The following LNP1 variants were observed in gnomAD, a reference collection of about 807,000 sequenced individuals.
The protein encoded by LNP1 is leukemia NUP98 fusion partner 1.
A neutral mutation model predicts 14.5 loss-of-function variants in LNP1; 12 were observed. That is an observed-to-expected ratio of 0.83 (90% confidence interval 0.53 to 1.34). LNP1 has a LOEUF of 1.34. Ranked by LOEUF, LNP1 falls within the 40% of genes most tolerant of loss-of-function variation. LNP1 has a pLI of 0.00. For missense variants in LNP1, 198 were observed against 210.9 expected, an observed-to-expected ratio of 0.94 and a Z score of 0.38; for synonymous variants, 75 against 71.4, an observed-to-expected ratio of 1.05 and a Z score of -0.26.
chr3:100,438,468 T>C (rs1438360705), intron 2 of LNP1, among the ~76,000 whole-genome samples: 1 of 152,146 alleles, frequency 6.6e-6, no homozygotes, highest in Non-Finnish European at 1.5e-5. Flanking sequence ...TGCTGACACA[T>C]CATTATCACC....
intron 1 of LNP1, among the ~76,000 whole-genome samples, chr3:100,406,970 TTCC>T (rs1351706633): frequency 6.6e-6 from 1 of 152,242 alleles, no homozygotes; most frequent in Non-Finnish European, 1.5e-5. Context: ...TCCACTTCCT[TTCC>T]TCAATATTTT....
chr3:100,419,969 G>A (rs922626818), intron 1 of LNP1, among the ~76,000 whole-genome samples: 1 of 152,160 alleles, frequency 6.6e-6, no homozygotes, highest in Non-Finnish European at 1.5e-5. Context: ...CAAAGTGGCT[G>A]TACCTTTTTT....
intron 2 of LNP1, among the ~76,000 whole-genome samples, chr3:100,441,928 G>A (rs1170615216): frequency 6.6e-6 from 1 of 152,112 alleles, no homozygotes; most frequent in Non-Finnish European, 1.5e-5. Flanking sequence ...GCCTCTCAAA[G>A]TGCTGGGATT....
intron 1 of LNP1, among the ~76,000 whole-genome samples, chr3:100,410,010 A>G (rs994895622): frequency 1.3e-5 from 2 of 149,658 alleles, no homozygotes; most frequent in African/African-American, 4.9e-5. Context: ...TACCTATTTT[A>G]TCTGTCTATA....
chr3:100,430,804 A>G (rs1040446459), intron 2 of LNP1, among the ~76,000 whole-genome samples: 4 of 152,210 alleles, frequency 2.6e-5, no homozygotes, highest in African/African-American at 9.6e-5. Flanking sequence ...GGCAACCTCT[A>G]TTACTCCTGG....
At chr3:100,408,555 A>C (rs537850011) in intron 1 of LNP1, among the ~76,000 whole-genome samples, 1 of 152,280 alleles carries the variant, frequency 6.6e-6, no homozygotes, top group Admixed American at 6.5e-5. Flanking sequence ...TCCCAAGACC[A>C]CTGTAGTTGG....
intron 2 of LNP1, among the ~76,000 whole-genome samples, chr3:100,432,062 T>G (rs1707248896): frequency 7.8e-6 from 1 of 128,942 alleles, no homozygotes; most frequent in Admixed American, 8.1e-5. Context: ...ATTCTTATTT[T>G]AAGGAACAAT....
At chr3:100,429,199 T>C (rs1368964137) in intron 1 of LNP1, among the ~76,000 whole-genome samples, 1 of 152,232 alleles carries the variant, frequency 6.6e-6, no homozygotes, top group African/African-American at 2.4e-5. Flanking sequence ...AATATCATTT[T>C]ATTAGGAGAG....
intron 1 of LNP1, among the ~76,000 whole-genome samples, chr3:100,406,625 C>G (rs979606772): frequency 2.0e-5 from 3 of 152,158 alleles, no homozygotes; most frequent in African/African-American, 4.8e-5. Context: ...ACCTCCGCCT[C>G]CCGGGTTCAA....
At chr3:100,409,540 C>CTATA (rs1472273250) in intron 1 of LNP1, among the ~76,000 whole-genome samples, 2 of 145,842 alleles carry the variant, frequency 1.4e-5, no homozygotes, top group African/African-American at 2.6e-5. Context: ...CTCTCTCTCT[C>CTATA]TCTATATATA....
At chr3:100,403,358 C>G (rs1452443567) in intron 1 of LNP1, among the ~76,000 whole-genome samples, 1 of 152,040 alleles carries the variant, frequency 6.6e-6, no homozygotes, top group Non-Finnish European at 1.5e-5. Flanking sequence ...TTATCTTTTT[C>G]TTGGTAGATT....
At chr3:100,447,902 GTTC>G (rs1471065259) in intron 2 of LNP1, among the ~76,000 whole-genome samples, 1 of 151,952 alleles carries the variant, frequency 6.6e-6, no homozygotes, top group Non-Finnish European at 1.5e-5. Context: ...GACAAAAATT[GTTC>G]TTCTTTTTTA....
intron 1 of LNP1, among the ~76,000 whole-genome samples, chr3:100,417,336 T>C (rs1280247136): frequency 2.6e-5 from 4 of 151,362 alleles, no homozygotes; most frequent in African/African-American, 4.8e-5. Context: ...AAATATACAG[T>C]ATACTTTTTC....
chr3:100,405,839 A>G (rs191230569), intron 1 of LNP1, among the ~76,000 whole-genome samples: 65 of 152,242 alleles, frequency 4.3e-4, no homozygotes, highest in African/African-American at 1.3e-3. Context: ...TACTCTTCCT[A>G]TAGCATAACT....
intron 1 of LNP1, among the ~76,000 whole-genome samples, chr3:100,406,578 A>G (rs755876003): frequency 2.0e-5 from 3 of 152,104 alleles, no homozygotes; most frequent in Admixed American, 6.6e-5. Context: ...CTTGTTGCCC[A>G]GGCTGGAGTG....
At chr3:100,451,172 C>G (rs1707434554) in intron 2 of LNP1, among the ~76,000 whole-genome samples, 1 of 152,162 alleles carries the variant, frequency 6.6e-6, no homozygotes, top group African/African-American at 2.4e-5. Flanking sequence ...TTTATTTTGC[C>G]AAGGCTGAGA....
At chr3:100,420,390 T>C (rs937202812) in intron 1 of LNP1, among the ~76,000 whole-genome samples, 1 of 152,138 alleles carries the variant, frequency 6.6e-6, no homozygotes, top group Admixed American at 6.5e-5. Flanking sequence ...CAGTTCACTG[T>C]AGCCTCAACC....
In LNP1 at chr3:100,449,141, A is replaced by C. The variant is rs147481825; in HGVS notation, c.157-2578A>C. Among the ~76,000 whole-genome samples, 430 of 152,340 alleles carry C rather than the reference A, an allele frequency of 2.8e-3. 3 individuals are homozygous for C. Among genetic ancestry groups the C allele is most frequent in the Non-Finnish European group, 4.9e-3 (330 of 68,030 alleles). On this transcript the variant is annotated intron_variant, in intron 2 of 3. Transcript: ENST00000383693. ...TTTACATAGGGACTACCTGTCTTTTAACCGGATCTCTGAGCTTTGGGCAGA... is the reference window on the plus strand; with the variant it reads ...TTTACATAGGGACTACCTGTCTTTTCACCGGATCTCTGAGCTTTGGGCAGA...
chr3:100,422,601 G>A (rs1238453078), intron 1 of LNP1, among the ~76,000 whole-genome samples: 2 of 152,132 alleles, frequency 1.3e-5, no homozygotes, highest in South Asian at 2.1e-4. Flanking sequence ...ATGAGAATCA[G>A]GGCTGTGTTT....
Sources: gnomAD v4.1 joint callset for allele counts (sites outside exome capture counted in the v4.1 genomes callset) on GRCh38, gnomAD v4.1.1 for gene constraint, MANE v1.5 for transcripts, NCBI Gene and HGNC (gene_info 2026-07-23, HGNC 2026-07-21) for gene names.